Variants in TMEM45A observed in about 807,000 individuals in gnomAD.
The protein encoded by TMEM45A is transmembrane protein 45A.
TMEM45A carries 25 observed loss-of-function variants against 32.0 expected under a neutral mutation model. The ratio of observed to expected loss-of-function variants is 0.78; its 90% CI spans 0.57 to 1.09. TMEM45A has a LOEUF of 1.09. Among genes scored for constraint, TMEM45A ranks in the 50% least tolerant of loss-of-function variants. TMEM45A has a pLI of 0.00. For synonymous variants in TMEM45A, 122 were observed against 114.8 expected, an observed-to-expected ratio of 1.06 and a Z score of -0.40; for missense variants, 302 against 325.0, an observed-to-expected ratio of 0.93 and a Z score of 0.54.
At chr3:100,534,375 A>C (rs908859335) in intron 1 of TMEM45A, among the ~76,000 whole-genome samples, 2 of 152,178 alleles carry the variant, frequency 1.3e-5, no homozygotes, top group Non-Finnish European at 1.5e-5. Context: ...AGTGGTTCTC[A>C]TAAGGAGGGA....
chr3:100,558,519 T>C lies in TMEM45A; in HGVS notation c.518T>C (p.Val173Ala). ...CTCGTTGCCTTCCTAGAGTTCCTTGTTCGGAACAATGTACTTCTGGAGCTA... is the reference window on the plus strand; with the variant it reads ...CTCGTTGCCTTCCTAGAGTTCCTTGCTCGGAACAATGTACTTCTGGAGCTA... ...TGLVAFLEFL[V>A]RNNVLLELLR... is the part of the protein sequence containing the mutation. The change falls in exon 4 of 6, where the codon GTT (valine) becomes GCT (alanine). Residue 173 changes from valine (V) to alanine (A), a missense_variant. Val to Ala is a moderately conservative substitution (Grantham distance 64). Transcript: ENST00000323523. 3 of 1,614,170 alleles carry C rather than the reference T, an allele frequency of 1.9e-6. No individual in the cohort carries two copies. Among genetic ancestry groups the C allele is most frequent in the Non-Finnish European group, 2.5e-6 (3 of 1,180,016 alleles).
chr3:100,544,059 C>T (rs1441492531), intron 1 of TMEM45A, among the ~76,000 whole-genome samples: 1 of 149,628 alleles, frequency 6.7e-6, no homozygotes, highest in Non-Finnish European at 1.5e-5. Flanking sequence ...AATATTTGGA[C>T]ATATAGAAGT....
intron 1 of TMEM45A, among the ~76,000 whole-genome samples, chr3:100,495,845 C>A (rs576798071): frequency 2.6e-5 from 4 of 152,286 alleles, no homozygotes; most frequent in South Asian, 4.1e-4. Context: ...GCCCTAAAAT[C>A]TTTGACATGG....
intron 1 of TMEM45A, among the ~76,000 whole-genome samples, chr3:100,517,278 G>C (rs768602611): frequency 1.1e-4 from 17 of 152,072 alleles, no homozygotes; most frequent in Non-Finnish European, 2.4e-4. Flanking sequence ...CACCACGCCC[G>C]ATTAATTTTT....
intron 5 of TMEM45A, chr3:100,573,794 G>C (rs1171885363): frequency 2.6e-5 from 4 of 152,168 alleles, no homozygotes; most frequent in Non-Finnish European, 4.4e-5. Flanking sequence ...AATTTATTGA[G>C]AGTTTTTAGC....
intron 1 of TMEM45A, among the ~76,000 whole-genome samples, chr3:100,498,714 C>T (rs1405698238): frequency 3.9e-5 from 6 of 152,080 alleles, no homozygotes; most frequent in African/African-American, 7.2e-5. Context: ...TAAGTTTATG[C>T]TTTCAATTAT....
At chr3:100,539,001 C>T (rs1034564331) in intron 1 of TMEM45A, among the ~76,000 whole-genome samples, 4 of 152,040 alleles carry the variant, frequency 2.6e-5, no homozygotes, top group Non-Finnish European at 4.4e-5. Context: ...CAGGAAGGCT[C>T]AATATTGTTA....
chr3:100,525,574 A>G (rs1176349256), intron 1 of TMEM45A, among the ~76,000 whole-genome samples: 4 of 152,278 alleles, frequency 2.6e-5, no homozygotes, highest in African/African-American at 9.6e-5. Context: ...ACCTAACTTC[A>G]TTCAGCTGGC....
intron 1 of TMEM45A, among the ~76,000 whole-genome samples, chr3:100,514,607 A>C (rs1708228732): frequency 6.6e-6 from 1 of 152,176 alleles, no homozygotes; most frequent in African/African-American, 2.4e-5. Context: ...AATGGCAACA[A>C]AAGCCAAAAT....
chr3:100,556,708 T>C lies in TMEM45A; in HGVS notation c.191-52T>C. On this transcript the variant is annotated intron_variant, in intron 2 of 5. Coordinates refer to ENST00000323523, the MANE Select transcript of TMEM45A (RefSeq NM_018004.3). ...AATGGACTAGTCCTCCTGCATCTTCTTGAATTCTATGTAAAGCAGAGTTGC... is the reference window on the plus strand; with the variant it reads ...AATGGACTAGTCCTCCTGCATCTTCCTGAATTCTATGTAAAGCAGAGTTGC... The C allele has an allele frequency of 5.3e-6, 8 of 1,518,070 alleles. No individual in the cohort carries two copies. In the South Asian group the frequency reaches 9.4e-5, roughly 18 times the overall value. 94.0% of individuals were successfully genotyped at this position (1,518,070 alleles called of 1,614,324 possible).
At chr3:100,550,733 C>A (rs1000530987) in intron 1 of TMEM45A, among the ~76,000 whole-genome samples, 1 of 152,164 alleles carries the variant, frequency 6.6e-6, no homozygotes, top group Non-Finnish European at 1.5e-5. Flanking sequence ...AGATCTTGGG[C>A]TCTGCCCAAT....
At chr3:100,538,269 A>G (rs1026872670) in intron 1 of TMEM45A, among the ~76,000 whole-genome samples, 1 of 152,208 alleles carries the variant, frequency 6.6e-6, no homozygotes, top group Admixed American at 6.5e-5. Context: ...TTCATAGGAT[A>G]AAGTTTAAAT....
At chr3:100,551,255 C>T (rs1706095757) in intron 1 of TMEM45A, among the ~76,000 whole-genome samples, 1 of 152,074 alleles carries the variant, frequency 6.6e-6, no homozygotes, top group African/African-American at 2.4e-5. Context: ...CCTCGTGATC[C>T]GCCTGTGTTG....
At chr3:100,558,056 A>T (rs1706258639) in intron 3 of TMEM45A, among the ~76,000 whole-genome samples, 1 of 152,296 alleles carries the variant, frequency 6.6e-6, no homozygotes, top group Middle Eastern at 3.4e-3. Context: ...TCTTATGGAG[A>T]TTCCAACTTC....
rs564053368 is a variant in TMEM45A, at chr3:100,498,163, C to G, written c.-4+5235C>G. Reference sequence around the variant, plus strand: ...TTCCTGCCACCATGTGAAGAAGGTCCTTGCTTACCCTTTGCCTTCTGCCAT... The same window carrying G: ...TTCCTGCCACCATGTGAAGAAGGTCGTTGCTTACCCTTTGCCTTCTGCCAT... On this transcript the variant is annotated intron_variant, in intron 1 of 5. Transcript: ENST00000323523. 5.3e-5 allele frequency among the ~76,000 whole-genome samples: 8 copies of G among 152,304 alleles called. No individual in the cohort carries two copies. In the South Asian group the frequency reaches 1.7e-3, roughly 32 times the overall value.
chr3:100,536,633 C>G (rs1220298538), intron 1 of TMEM45A, among the ~76,000 whole-genome samples: 1 of 152,116 alleles, frequency 6.6e-6, no homozygotes, highest in South Asian at 2.1e-4. Context: ...CTCTGAAGAA[C>G]CTTAGAGGCA....
At position 100,558,522 on chromosome 3, in the gene TMEM45A, G is replaced by A. The variant is rs150496031; in HGVS notation, c.521G>A (p.Arg174Gln). The change falls in exon 4 of 6, where the codon CGG (arginine) becomes CAG (glutamine). Residue 174 changes from arginine to glutamine, a missense_variant. Coordinates refer to ENST00000323523, the MANE Select transcript of TMEM45A (RefSeq NM_018004.3). ...GLVAFLEFLV[R>Q]NNVLLELLRS... ...GTTGCCTTCCTAGAGTTCCTTGTTC[G>A]GAACAATGTACTTCTGGAGCTATTG... The A allele has an allele frequency of 3.3e-5, 53 of 1,613,984 alleles. No homozygotes were observed. Among genetic ancestry groups the A allele is most frequent in the Middle Eastern group, 1.6e-4 (1 of 6,078 alleles).
chr3:100,539,053 T>C (rs564358840), intron 1 of TMEM45A, among the ~76,000 whole-genome samples: 2 of 152,174 alleles, frequency 1.3e-5, no homozygotes, highest in African/African-American at 4.8e-5. Context: ...TTCAATGCAA[T>C]CCCAGTCAAA....
chr3:100,555,661 A>G (rs1706205644), intron 2 of TMEM45A, among the ~76,000 whole-genome samples: 1 of 152,124 alleles, frequency 6.6e-6, no homozygotes, highest in Admixed American at 6.6e-5. Context: ...TAAATTGGAG[A>G]AAGAGATTAG....
Sources: gnomAD v4.1 joint callset for allele counts (sites outside exome capture counted in the v4.1 genomes callset) on GRCh38, gnomAD v4.1.1 for gene constraint, MANE v1.5 for transcripts, NCBI Gene and HGNC (gene_info 2026-07-23, HGNC 2026-07-21) for gene names.